The following SNTB2 variants were observed in gnomAD, a reference collection of about 807,000 sequenced individuals.
The protein encoded by SNTB2 is beta-2-syntrophin.
SNTB2 carries 34 observed loss-of-function variants against 46.2 expected under a neutral mutation model. The ratio of observed to expected loss-of-function variants is 0.74; its 90% confidence interval spans 0.56 to 0.98. The LOEUF is 0.98. SNTB2 is among the 50% of genes least tolerant of loss of function. The pLI, the probability that SNTB2 is intolerant of heterozygous loss-of-function variation, is 0.00. For synonymous variants in SNTB2, 290 were observed against 312.6 expected, an observed-to-expected ratio of 0.93 and a Z score of 0.76; for missense variants, 603 against 731.4, an observed-to-expected ratio of 0.82 and a Z score of 2.02.
At chr16:69,199,520 G>A (rs1455042725) in intron 1 of SNTB2, among the ~76,000 whole-genome samples, 1 of 150,114 alleles carries the variant, frequency 6.7e-6, no homozygotes, top group African/African-American at 2.5e-5. Context: ...ACTTGAGCCT[G>A]GGAGGTGGAC....
intron 1 of SNTB2, among the ~76,000 whole-genome samples, chr16:69,205,760 A>C (rs1162817417): frequency 1.3e-5 from 2 of 152,150 alleles, no homozygotes; most frequent in Non-Finnish European, 2.9e-5. Context: ...AAAGAAGTCT[A>C]AGGTTCTGGT....
rs1417049283 is a variant in SNTB2 at position 69,234,700 on chromosome 16, G to T, written c.581-10902G>T. On this transcript the variant is annotated intron_variant, in intron 1 of 6. Transcript: ENST00000336278. Reference sequence around the variant, plus strand: ...AAGACATTATGTGTTATACAACTTGGTATTTTTTTTTTTTTTTTTCGAGAC... The same window carrying T: ...AAGACATTATGTGTTATACAACTTGTTATTTTTTTTTTTTTTTTTCGAGAC... Among the ~76,000 whole-genome samples, 3 of 149,400 alleles carry T rather than the reference G, an allele frequency of 2.0e-5. No individual in the cohort carries two copies. In the East Asian group the frequency reaches 5.8e-4, roughly 29 times the overall value.
chr16:69,202,579 A>AT (rs1267382137), intron 1 of SNTB2, among the ~76,000 whole-genome samples: 2 of 149,554 alleles, frequency 1.3e-5, no homozygotes, highest in African/African-American at 4.9e-5. Flanking sequence ...TTTTTTTTTT[A>AT]TTTTTTATTT....
chr16:69,224,015 T>C (rs748987203), intron 1 of SNTB2, among the ~76,000 whole-genome samples: 1 of 152,146 alleles, frequency 6.6e-6, no homozygotes, highest in Non-Finnish European at 1.5e-5. Context: ...TGTCCCTCAA[T>C]TGGGTTTGTC....
chr16:69,214,494 C>T (rs1449687169), intron 1 of SNTB2, among the ~76,000 whole-genome samples: 1 of 151,612 alleles, frequency 6.6e-6, no homozygotes, highest in Non-Finnish European at 1.5e-5. Context: ...AACATATATA[C>T]AACTCTAATA....
intron 1 of SNTB2, among the ~76,000 whole-genome samples, chr16:69,243,198 C>T (rs980244466): frequency 6.6e-6 from 1 of 152,090 alleles, no homozygotes; most frequent in Admixed American, 6.6e-5. Flanking sequence ...CTGAGTTGAA[C>T]TGAAAGCTCC....
intron 4 of SNTB2, among the ~76,000 whole-genome samples, chr16:69,281,505 T>TTTTTTTTTTTTTTTG (rs1965045572): frequency 6.7e-6 from 1 of 150,126 alleles, no homozygotes; most frequent in Non-Finnish European, 1.5e-5. Flanking sequence ...TTTTGTTTTT[T>TTTTTTTTTTTTTTTG]TTTTTTTACA....
rs147375993 is a variant in SNTB2, at chr16:69,189,597, C to T, written c.580+1851C>T. Among the ~76,000 whole-genome samples the T allele has an allele frequency of 8.0e-3, 1,212 of 152,198 alleles. 10 individuals are homozygous for T. Among genetic ancestry groups the T allele is most frequent in the Middle Eastern group, 0.017 (5 of 294 alleles). On this transcript the variant is annotated intron_variant, in intron 1 of 6. Transcript: ENST00000336278. The stretch of plus-strand genomic sequence containing the variant: ...ACTAAAAATACGAAAATTAGCCAGG[C>T]GTGGTGGCAGATGCCTGTAATCCCA...
intron 1 of SNTB2, among the ~76,000 whole-genome samples, chr16:69,206,268 G>A (rs1219001901): frequency 6.6e-6 from 1 of 152,114 alleles, no homozygotes; most frequent in Non-Finnish European, 1.5e-5. Flanking sequence ...CCAAGGAGCT[G>A]GAATTACAGG....
intron 3 of SNTB2, among the ~76,000 whole-genome samples, chr16:69,266,773 G>A (rs1006600645): frequency 6.6e-6 from 1 of 152,136 alleles, no homozygotes; most frequent in African/African-American, 2.4e-5. Flanking sequence ...CTGGAGTACA[G>A]TAGTACAATC....
intron 5 of SNTB2, among the ~76,000 whole-genome samples, chr16:69,285,852 G>T (rs1965097952): frequency 6.6e-6 from 1 of 151,740 alleles, no homozygotes; most frequent in African/African-American, 2.4e-5. Flanking sequence ...GAGTGCAGTG[G>T]CATGATCTCA....
At chr16:69,232,534 A>T (rs1597181052) in intron 1 of SNTB2, among the ~76,000 whole-genome samples, 4 of 59,560 alleles carry the variant, frequency 6.7e-5, no homozygotes, top group African/African-American at 6.7e-5. Flanking sequence ...TTTTTTGGAG[A>T]CGGAGTCTCG....
intron 2 of SNTB2, among the ~76,000 whole-genome samples, chr16:69,247,376 G>GA (rs1341737841): frequency 6.6e-6 from 1 of 152,088 alleles, no homozygotes; most frequent in Non-Finnish European, 1.5e-5. Context: ...GAGATTAGTG[G>GA]AAAAAATAAG....
At chr16:69,277,881 G>A (rs1964997299) in intron 4 of SNTB2, among the ~76,000 whole-genome samples, 1 of 152,160 alleles carries the variant, frequency 6.6e-6, no homozygotes, top group Non-Finnish European at 1.5e-5. Flanking sequence ...CTTTAAAATA[G>A]GGAAAATATA....
intron 2 of SNTB2, among the ~76,000 whole-genome samples, chr16:69,247,069 TTAA>T: frequency 6.9e-6 from 1 of 145,738 alleles, no homozygotes; most frequent in African/African-American, 2.5e-5. Flanking sequence ...TATATATATA[TTAA>T]AAAAAAAAAA....
intron 3 of SNTB2, among the ~76,000 whole-genome samples, chr16:69,262,905 A>G (rs1597191281): frequency 6.6e-6 from 1 of 151,904 alleles, no homozygotes; most frequent in South Asian, 2.1e-4. Flanking sequence ...TGAACTCTTG[A>G]CCTCAGGTCA....
chr16:69,296,308 CA>C (rs1410976828), intron 5 of SNTB2, among the ~76,000 whole-genome samples: 1 of 152,016 alleles, frequency 6.6e-6, no homozygotes, highest in Non-Finnish European at 1.5e-5. Flanking sequence ...TAAACTAAAA[CA>C]AGCTCAATAT....
intron 1 of SNTB2, among the ~76,000 whole-genome samples, chr16:69,237,583 TTTTC>T (rs1226861520): frequency 1.7e-4 from 24 of 144,852 alleles, no homozygotes; most frequent in Admixed American, 4.1e-4. Flanking sequence ...ATTTCTTTTT[TTTTC>T]TTTCTTTCTT....
At chr16:69,244,642 C>A (rs761474753) in intron 1 of SNTB2, among the ~76,000 whole-genome samples, 2 of 152,174 alleles carry the variant, frequency 1.3e-5, no homozygotes, top group African/African-American at 2.4e-5. Context: ...AGCTTCCTAT[C>A]TACTAAAAGC....
Sources: allele counts gnomAD v4.1 joint callset (sites outside exome capture counted in the v4.1 genomes callset), GRCh38; gene constraint gnomAD v4.1.1; transcripts MANE v1.5; gene names NCBI Gene and HGNC (gene_info 2026-07-23, HGNC 2026-07-21).